Variants in TRAM2 observed in about 807,000 individuals in gnomAD.
TRAM2 encodes translocating chain-associated membrane protein 2.
In TRAM2, 12 loss-of-function variants were observed where a neutral mutation model predicts 51.0. That is an observed-to-expected ratio of 0.24 (90% confidence interval 0.15 to 0.38). The LOEUF is 0.38. Among genes scored for constraint, TRAM2 ranks in the 10% least tolerant of loss-of-function variants. The pLI is 1.00. For synonymous variants in TRAM2, 175 were observed against 179.4 expected (o/e 0.98, Z 0.20); for missense variants, 361 against 462.0 (o/e 0.78, Z 2.00).
intron 1 of TRAM2, among the ~76,000 whole-genome samples, chr6:52,549,881 T>C (rs940046010): frequency 2.4e-4 from 37 of 152,210 alleles, no homozygotes; most frequent in African/African-American, 8.0e-4. Context: ...ATTTGGCTTA[T>C]TACAATCAGG....
At chr6:52,527,079 T>G (rs1227111598) in intron 2 of TRAM2, among the ~76,000 whole-genome samples, 2 of 151,702 alleles carry the variant, frequency 1.3e-5, no homozygotes, top group Non-Finnish European at 2.9e-5. Context: ...AAACAACTGA[T>G]TAGAAAAAAA....
At chr6:52,544,730 C>T (rs1767167859) in intron 1 of TRAM2, among the ~76,000 whole-genome samples, 1 of 152,248 alleles carries the variant, frequency 6.6e-6, no homozygotes, top group Non-Finnish European at 1.5e-5. Context: ...TCAAATGTCT[C>T]TGTTTGTCAG....
At chr6:52,531,021 T>C (rs922233777) in intron 2 of TRAM2, among the ~76,000 whole-genome samples, 1 of 150,974 alleles carries the variant, frequency 6.6e-6, no homozygotes, top group African/African-American at 2.4e-5. Flanking sequence ...ATGAAAACAG[T>C]TACTGGCTCT....
chr6:52,507,717 G>T, intron 6 of TRAM2, 94 bp from the exon 7 acceptor site: 1 of 1,161,374 alleles, frequency 8.6e-7, no homozygotes, highest in Non-Finnish European at 1.3e-6. Flanking sequence ...AGAGGGCCAG[G>T]CTCCTCTGGG....
chr6:52,523,979 A>G (rs1766724864), intron 2 of TRAM2: 1 of 152,276 alleles, frequency 6.6e-6, no homozygotes, highest in African/African-American at 2.4e-5. Flanking sequence ...TCTGTATTTA[A>G]CTACACCTCC....
At chr6:52,505,499 T>C in intron 9 of TRAM2, 100 bp downstream of exon 9, 3 of 1,455,996 alleles carry the variant, frequency 2.1e-6, no homozygotes, top group Non-Finnish European at 2.8e-6. Flanking sequence ...TAACAATATG[T>C]GGGAGACTAA....
chr6:52,543,526 T>C (rs1215369047), intron 1 of TRAM2, among the ~76,000 whole-genome samples: 1 of 152,210 alleles, frequency 6.6e-6, no homozygotes, highest in Non-Finnish European at 1.5e-5. Flanking sequence ...ATTGATACAT[T>C]AAAAATAATA....
At position 52,507,537 on chromosome 6, in the gene TRAM2, C is replaced by T. The variant is rs1248710754; in HGVS notation, c.626+16G>A. The T allele has an allele frequency of 2.5e-6, 4 of 1,613,562 alleles. No individual in the cohort carries two copies. The highest frequency in any genetic ancestry group is 1.1e-5 in the South Asian group (1 of 90,998). ...AAAGGGCAAGGAAATCTGGCTGGCTCCATGGTCTCACTCACTTTAAGAGGT... is the reference window on the plus strand; with the variant it reads ...AAAGGGCAAGGAAATCTGGCTGGCTTCATGGTCTCACTCACTTTAAGAGGT... On this transcript the variant is annotated intron_variant, in intron 7 of 10. Transcript: ENST00000182527.
intron 2 of TRAM2, chr6:52,523,078 AGTT>A (rs1766706755): frequency 1.9e-6 from 1 of 539,470 alleles, no homozygotes; most frequent in Non-Finnish European, 3.2e-6. Flanking sequence ...TCTGAAAGCT[AGTT>A]GTTTAAAGAG....
At position 52,550,554 on chromosome 6, in the gene TRAM2, A is replaced by C. The variant is rs532831489; in HGVS notation, c.121-14708T>G. Among the ~76,000 whole-genome samples, 3 of 151,992 alleles carry C rather than the reference A, an allele frequency of 2.0e-5. No homozygotes were observed. In the South Asian group the frequency reaches 6.2e-4, roughly 32 times the overall value. ...CAATGGGACACTATTTTTATTTTTT[A>C]TTTTTATTTTTTTTGCGACAGGGTT... On this transcript the variant is annotated intron_variant, in intron 1 of 10. Coordinates refer to ENST00000182527, the MANE Select transcript of TRAM2 (RefSeq NM_012288.4).
chr6:52,507,587 A>G lies in TRAM2; in HGVS notation c.592T>C (p.Tyr198His), dbSNP rs767380220. ...IPRQLQYICL[Y>H]LVHIAGAYLL... is the part of the protein sequence containing the mutation. Reference sequence around the variant, plus strand: ...TATGCTCCAGCTATATGCACCAGGTACAGGCAAATATACTGGAGCTGGCGG... The same window carrying G: ...TATGCTCCAGCTATATGCACCAGGTGCAGGCAAATATACTGGAGCTGGCGG... The change falls in exon 7 of 11, where the codon TAC becomes CAC. Residue 198 changes from tyrosine (Y) to histidine (H), a missense_variant. Tyr to His is a moderately conservative substitution (Grantham distance 83). Coordinates refer to ENST00000182527, the MANE Select transcript of TRAM2 (RefSeq NM_012288.4). 2.2e-5 allele frequency: 35 copies of G among 1,614,234 alleles called. No homozygotes were observed. The highest frequency in any genetic ancestry group is 1.1e-5 in the Non-Finnish European group (13 of 1,180,034).
chr6:52,573,759 C>A (rs1056855016), intron 1 of TRAM2, among the ~76,000 whole-genome samples: 9 of 152,100 alleles, frequency 5.9e-5, no homozygotes, highest in African/African-American at 2.2e-4. Flanking sequence ...GAAACAGAAG[C>A]CCCCTGAATG....
chr6:52,503,642 C>A (rs903862272), intron 10 of TRAM2, among the ~76,000 whole-genome samples: 1 of 152,180 alleles, frequency 6.6e-6, no homozygotes, highest in Non-Finnish European at 1.5e-5. Flanking sequence ...TGCTCACTGT[C>A]CTCAGTTCTT....
At chr6:52,536,060 C>T (rs927253374) in intron 1 of TRAM2, among the ~76,000 whole-genome samples, 1 of 152,196 alleles carries the variant, frequency 6.6e-6, no homozygotes, top group Non-Finnish European at 1.5e-5. Flanking sequence ...GGTATCTAGA[C>T]TGGTACTCAC....
chr6:52,565,701 CTTACT>C (rs1767579387), intron 1 of TRAM2, among the ~76,000 whole-genome samples: 1 of 152,248 alleles, frequency 6.6e-6, no homozygotes, highest in South Asian at 2.1e-4. Flanking sequence ...CAAAAAATTA[CTTACT>C]GACACCTTCA....
At chr6:52,544,544 G>A (rs1182096821) in intron 1 of TRAM2, among the ~76,000 whole-genome samples, 1 of 152,178 alleles carries the variant, frequency 6.6e-6, no homozygotes, top group African/African-American at 2.4e-5. Context: ...CTCCTCCTGT[G>A]GGAAATGCAT....
chr6:52,563,068 A>G (rs1274643908), intron 1 of TRAM2, among the ~76,000 whole-genome samples: 1 of 152,228 alleles, frequency 6.6e-6, no homozygotes, highest in Non-Finnish European at 1.5e-5. Flanking sequence ...TACGTACAAA[A>G]TGACATATGT....
chr6:52,565,198 T>C lies in TRAM2; in HGVS notation c.120+11598A>G, dbSNP rs958946479. On this transcript the variant is annotated intron_variant, in intron 1 of 10. Coordinates refer to ENST00000182527, the MANE Select transcript of TRAM2 (RefSeq NM_012288.4). ...TGTTCAGCTCTGTGTTTGAAGACAA[T>C]CTGTGACAGCTATGAGGAGAAAGGA... is the stretch of plus-strand genomic sequence containing the variant. Among the ~76,000 whole-genome samples the C allele has an allele frequency of 2.0e-5, 3 of 152,258 alleles. No homozygotes were observed. In the South Asian group the frequency reaches 6.2e-4, roughly 32 times the overall value.
At chr6:52,512,399 G>A (rs1287927523) in intron 4 of TRAM2, among the ~76,000 whole-genome samples, 1 of 152,154 alleles carries the variant, frequency 6.6e-6, no homozygotes, top group Non-Finnish European at 1.5e-5. Flanking sequence ...GTGGAGGGAG[G>A]AGAGCAGGGG....
Sources: allele counts gnomAD v4.1 joint callset (sites outside exome capture counted in the v4.1 genomes callset), GRCh38; gene constraint gnomAD v4.1.1; transcripts MANE v1.5; gene names NCBI Gene and HGNC (gene_info 2026-07-23, HGNC 2026-07-21).